SLC26A5: variants seen among roughly 807,000 people sequenced by gnomAD.
SLC26A5 encodes solute carrier family 26 member 5.
SLC26A5 carries 51 observed loss-of-function variants against 81.0 expected under a neutral mutation model. The ratio of observed to expected loss-of-function variants is 0.63; its 90% CI spans 0.50 to 0.80. The LOEUF (loss-of-function observed/expected upper bound fraction) is 0.80. Ranked by LOEUF, SLC26A5 falls within the 30% of genes least tolerant of loss-of-function variation. The pLI is 0.00. For synonymous variants in SLC26A5, 325 were observed against 332.8 expected, an observed-to-expected ratio of 0.98 and a Z score of 0.25; for missense variants, 771 against 905.8, an observed-to-expected ratio of 0.85 and a Z score of 1.91.
At chr7:103,443,254 G>C (rs1326825781) in intron 1 of SLC26A5, 43 bp from the exon 2 acceptor site, 1 of 152,174 alleles carries the variant, frequency 6.6e-6, no homozygotes, top group Non-Finnish European at 1.5e-5. Flanking sequence ...AGCAGTTGTT[G>C]GTTTGTTTTT....
chr7:103,369,441 C>A (rs1292514082), downstream of SLC26A5: 1 of 152,116 alleles, frequency 6.6e-6, no homozygotes, highest in East Asian at 1.9e-4. Flanking sequence ...TCATATATAC[C>A]AATTAAAGAC....
intron 9 of SLC26A5, among the ~76,000 whole-genome samples, chr7:103,394,900 T>C (rs1242090469): frequency 6.6e-6 from 1 of 152,224 alleles, no homozygotes; most frequent in Non-Finnish European, 1.5e-5. Context: ...TTTTCTTTCC[T>C]GTTGCTCTGA....
At chr7:103,425,213 T>C (rs953946916) in intron 2 of SLC26A5, among the ~76,000 whole-genome samples, 3 of 152,220 alleles carry the variant, frequency 2.0e-5, no homozygotes, top group Admixed American at 6.5e-5. Flanking sequence ...AGAGCAATTA[T>C]ATTTATGTAT....
At chr7:103,386,295 C>T (rs1041995312) in intron 14 of SLC26A5, among the ~76,000 whole-genome samples, 11 of 151,702 alleles carry the variant, frequency 7.3e-5, no homozygotes, top group Non-Finnish European at 1.5e-4. Flanking sequence ...CGGCCGGGCA[C>T]GATGGCTCAT....
intron 19 of SLC26A5, among the ~76,000 whole-genome samples, chr7:103,357,890 A>T (rs1820133909): frequency 6.6e-6 from 1 of 151,990 alleles, no homozygotes; most frequent in Non-Finnish European, 1.5e-5. Flanking sequence ...GTTATACCTT[A>T]GTTGCATCTG....
intron 2 of SLC26A5, among the ~76,000 whole-genome samples, chr7:103,428,094 C>A (rs747553086): frequency 6.6e-6 from 1 of 152,056 alleles, no homozygotes; most frequent in Non-Finnish European, 1.5e-5. Flanking sequence ...CTCAGGTGAT[C>A]TGCCCACCTT....
At chr7:103,440,899 G>A (rs1020711452) in intron 2 of SLC26A5, among the ~76,000 whole-genome samples, 3 of 152,170 alleles carry the variant, frequency 2.0e-5, no homozygotes, top group African/African-American at 7.2e-5. Context: ...GTCAGGCCCT[G>A]GGATTGGCCA....
At chr7:103,421,678 G>A (rs1337069095) in intron 2 of SLC26A5, 111 bp from the exon 3 acceptor site, 8 of 706,328 alleles carry the variant, frequency 1.1e-5, no homozygotes, top group Admixed American at 6.7e-5. Context: ...TTCTTTGGAC[G>A]CCCCAGAGGA....
Position 103,439,646 on chromosome 7 carries a change from A to G in SLC26A5, c.-54+3437T>C, listed in dbSNP as rs138202579. Among the ~76,000 whole-genome samples the G allele has an allele frequency of 7.2e-3, 1,091 of 152,132 alleles. 11 individuals carry two copies. The highest frequency in any genetic ancestry group is 0.025 in the African/African-American group (1,049 of 41,498). The stretch of plus-strand genomic sequence containing the variant: ...CTTCCCAGGTTCAAGTGATTCTGGC[A>G]CCTCAGCCTACCGAGCAGCTGGGAT... On this transcript the variant is annotated intron_variant, in intron 2 of 19. Transcript: ENST00000306312.
chr7:103,375,749 C>CTT (rs371992920), intron 19 of SLC26A5, among the ~76,000 whole-genome samples: 4 of 146,256 alleles, frequency 2.7e-5, no homozygotes, highest in African/African-American at 1.0e-4. Context: ...CACTGTTTTA[C>CTT]TTTTTTTTTT....
chr7:103,414,195 T>A (rs1044546589), intron 4 of SLC26A5, among the ~76,000 whole-genome samples: 1 of 142,232 alleles, frequency 7.0e-6, no homozygotes, highest in East Asian at 2.3e-4. Flanking sequence ...CCCCCCTTTT[T>A]TTTTTTTTAA....
chr7:103,385,397 G>A (rs1822107607), intron 14 of SLC26A5, among the ~76,000 whole-genome samples: 1 of 152,130 alleles, frequency 6.6e-6, no homozygotes, highest in Non-Finnish European at 1.5e-5. Context: ...GCCTCCCAAA[G>A]TGCTGGGTTT....
intron 15 of SLC26A5, 94 bp from the exon 16 acceptor site, chr7:103,379,429 A>C: frequency 1.2e-6 from 1 of 804,160 alleles, no homozygotes; most frequent in Non-Finnish European, 2.1e-6. Context: ...ATGAATGCAG[A>C]AGTTGCTAAG....
rs761851520 is a variant in SLC26A5, at chr7:103,421,488, G to C, written c.27C>G (p.Ile9Met). Residue 9 changes from isoleucine to methionine, a missense_variant, in exon 3 of 20, where the codon ATC (isoleucine) becomes ATG (methionine). By Grantham distance (10) the Ile-to-Met change is conservative. Coordinates refer to ENST00000306312, the MANE Select transcript of SLC26A5 (RefSeq NM_198999.3). ...CATAGTACCTCTGGGTTGCTGCAAG[G>C]ATTTCATTTTCTTCAGCATGATCCA... MDHAEENE[I>M]LAATQRYYVE... The C allele has an allele frequency of 2.4e-5, 39 of 1,613,866 alleles. No homozygotes were observed. In the South Asian group the frequency reaches 4.1e-4, roughly 17 times the overall value.
Position 103,367,606 on chromosome 7 carries a change from C to T in SLC26A5, c.2041+9202G>A, listed in dbSNP as rs752124743. 8 of 1,613,856 alleles carry T rather than the reference C, an allele frequency of 5.0e-6. No individual in the cohort carries two copies. The East Asian group carries it at 8.9e-5, about 18-fold the overall frequency. ...ATAGAAAAATTGAATTTAGCTTGCC[C>T]GATCTAGAGGTAAGAAAACCATTTC... On this transcript the variant is annotated intron_variant, in intron 19 of 19. Coordinates refer to the SLC26A5 transcript ENST00000339444. The surrounding 1 kb of genome is among the most constrained non-coding windows in gnomAD (Gnocchi z 6.1).
chr7:103,409,486 T>C (rs1282689178), intron 7 of SLC26A5, among the ~76,000 whole-genome samples: 3 of 152,226 alleles, frequency 2.0e-5, no homozygotes, highest in Non-Finnish European at 4.4e-5. Context: ...AGTTTTTGAT[T>C]TTTTTATTAT....
rs146234616 is a variant in SLC26A5, at chr7:103,423,910, G to A, written c.-53-2343C>T. ...TTTTTGTTTCAGACTAGTAAGGTGG[G>A]TTGGCCACCTCTCATCTAGCTCTTT... On this transcript the variant is annotated intron_variant, in intron 2 of 19. Coordinates refer to ENST00000306312, the MANE Select transcript of SLC26A5 (RefSeq NM_198999.3). Among the ~76,000 whole-genome samples, 5 of 152,296 alleles carry A rather than the reference G, an allele frequency of 3.3e-5. No homozygotes were observed. In the East Asian group the frequency reaches 5.8e-4, roughly 18 times the overall value.
intron 8 of SLC26A5, among the ~76,000 whole-genome samples, chr7:103,403,014 G>T (rs1823733897): frequency 6.6e-6 from 1 of 152,128 alleles, no homozygotes; most frequent in South Asian, 2.1e-4. Flanking sequence ...GGCATTTAGT[G>T]CTATAAATTT....
intron 11 of SLC26A5, 121 bp downstream of exon 11, chr7:103,391,501 G>C (rs1158827285): frequency 1.3e-6 from 1 of 779,780 alleles, no homozygotes; most frequent in African/African-American, 1.7e-5. Context: ...TCCCTACACA[G>C]CTCACTGGAG....
Sources: allele counts gnomAD v4.1 joint callset (sites outside exome capture counted in the v4.1 genomes callset), GRCh38; gene constraint gnomAD v4.1.1; non-coding constraint Gnocchi (gnomAD v3.1); transcripts MANE v1.5; gene names NCBI Gene and HGNC (gene_info 2026-07-23, HGNC 2026-07-21).